The following CWC25 variants were observed in gnomAD, a reference collection of about 807,000 sequenced individuals.
CWC25 encodes pre-mRNA-splicing factor CWC25 homolog.
A neutral mutation model predicts 54.6 loss-of-function variants in CWC25; 31 were observed. That is an observed-to-expected ratio of 0.57 (90% CI 0.43 to 0.77). The LOEUF is 0.77. Among genes scored for constraint, CWC25 ranks in the 30% least tolerant of loss-of-function variants. The pLI is 0.00. For synonymous variants in CWC25, 151 were observed against 187.0 expected (o/e 0.81, Z 1.57); for missense variants, 453 against 529.3 (o/e 0.86, Z 1.41).
In CWC25 at chr17:38,811,298, C is replaced by G. The variant is rs583539; in HGVS notation, c.499-703G>C. Among the ~76,000 whole-genome samples, 883 of 151,552 alleles carry G rather than the reference C, an allele frequency of 5.8e-3. 5 individuals carry two copies. Among genetic ancestry groups the G allele is most frequent in the Non-Finnish European group, 9.8e-3 (666 of 67,918 alleles). On this transcript the variant is annotated intron_variant, in intron 4 of 9. Coordinates refer to ENST00000614790, the MANE Select transcript of CWC25 (RefSeq NM_017748.5). ...CCTGTAATCCCAGCACTTTGGGAGG[C>G]CAAGGCGGGTGGATCACAAGGTCAG... is the stretch of plus-strand genomic sequence containing the variant.
At chr17:38,822,760 C>T (rs899901740) in intron 1 of CWC25, among the ~76,000 whole-genome samples, 2 of 151,312 alleles carry the variant, frequency 1.3e-5, no homozygotes, top group Non-Finnish European at 2.9e-5. Flanking sequence ...GGTGCAGGGA[C>T]GCAAGAAGAA....
chr17:38,820,282 C>T lies in CWC25; in HGVS notation c.191+619G>A, dbSNP rs367992891. Among the ~76,000 whole-genome samples, 154 of 152,292 alleles carry T rather than the reference C, an allele frequency of 1.0e-3. 1 individual carries two copies. Among genetic ancestry groups the T allele is most frequent in the African/African-American group, 3.5e-3 (144 of 41,558 alleles). On this transcript the variant is annotated intron_variant, in intron 2 of 9. Transcript: ENST00000614790. The stretch of plus-strand genomic sequence containing the variant: ...TTTATTCTGACTTAAGAATACACTG[C>T]ATATTGTATGCTTTTTATTTTCTCA...
Position 38,820,998 on chromosome 17 carries a change from C to A in CWC25, c.94G>T (p.Ala32Ser), listed in dbSNP as rs1911900671. Residue 32 changes from alanine (A) to serine (S), a missense_variant, in exon 2 of 10, where the codon GCT becomes TCT. By Grantham distance (99) the Ala-to-Ser change is moderately conservative (BLOSUM62 1). Coordinates refer to ENST00000614790, the MANE Select transcript of CWC25 (RefSeq NM_017748.5). ...AGCTCCTCAATCTTCTTCCGCTCAG[C>A]CTCATGCTTCTGCTCGGCCTTCCAC... ...KVWKAEQKHE[A>S]ERKKIEELQR... 1 of 1,613,986 alleles carries A rather than the reference C, an allele frequency of 6.2e-7. No individual in the cohort carries two copies. The highest frequency in any genetic ancestry group is 8.5e-7 in the Non-Finnish European group (1 of 1,179,896).
intron 6 of CWC25, 83 bp from the exon 7 acceptor site, chr17:38,807,059 C>A (rs979893463): frequency 9.2e-7 from 1 of 1,086,714 alleles, no homozygotes; most frequent in Non-Finnish European, 1.3e-6. Context: ...CAGTGGCTCA[C>A]GCCTGTAATC....
chr17:38,813,454 C>T (rs1050198756), intron 3 of CWC25, among the ~76,000 whole-genome samples: 4 of 147,878 alleles, frequency 2.7e-5, no homozygotes, highest in African/African-American at 5.0e-5. Flanking sequence ...GTCTGGGTGA[C>T]GGAGTGAGAC....
Position 38,810,492 on chromosome 17 carries a change from C to A in CWC25, c.602G>T (p.Ser201Ile). The A allele has an allele frequency of 6.2e-7, 1 of 1,602,978 alleles. No individual in the cohort carries two copies. Among genetic ancestry groups the A allele is most frequent in the Non-Finnish European group, 8.5e-7 (1 of 1,174,730 alleles). ...HRSSSSDRSS[S>I]EDEHSAGRSQ... ...CCTCCCTGCACTGTGCTCATCCTCGCTGCTGGAACGATCACTACTCGAGCT... is the reference window on the plus strand; with the variant it reads ...CCTCCCTGCACTGTGCTCATCCTCGATGCTGGAACGATCACTACTCGAGCT... Residue 201 changes from serine to isoleucine, a missense_variant, in exon 5 of 10, where the codon AGC (serine) becomes ATC (isoleucine). Transcript: ENST00000614790.
Position 38,810,920 on chromosome 17 carries a change from C to CAAAA in CWC25, c.499-329_499-326dup, listed in dbSNP as rs71352314. The stretch of plus-strand genomic sequence containing the variant: ...TGGGTGACAGAGTGAAACTGTGTCT[C>CAAAA]AAAAAAAAAAAAAAAAAAAAAGATT... On this transcript the variant is annotated intron_variant, in intron 4 of 9. Coordinates refer to ENST00000614790, the MANE Select transcript of CWC25 (RefSeq NM_017748.5). 1.3e-3 allele frequency among the ~76,000 whole-genome samples: 89 copies of CAAAA among 70,868 alleles called. 3 individuals are homozygous for CAAAA. The highest frequency in any genetic ancestry group is 1.8e-3 in the South Asian group (3 of 1,690). 46.5% of individuals were successfully genotyped at this position (70,868 alleles called of 152,430 possible).
Position 38,825,188 on chromosome 17 carries a change from G to A in CWC25, c.-5C>T. ...CACCAGGTCTCCGCCCCCCATGACG[G>A]TGGAGACGATTCCTCACTACGCGGA... On this transcript the variant is annotated 5_prime_UTR_variant, in exon 1 of 10. Transcript: ENST00000614790. 1.3e-6 allele frequency: 2 copies of A among 1,590,660 alleles called. No individual in the cohort carries two copies. Among genetic ancestry groups the A allele is most frequent in the Non-Finnish European group, 8.6e-7 (1 of 1,169,396 alleles).
At chr17:38,810,618 G>T in intron 4 of CWC25, 23 bp from the exon 5 acceptor site, 1 of 1,198,026 alleles carries the variant, frequency 8.3e-7, no homozygotes, top group Non-Finnish European at 1.2e-6. Context: ...GAGAACACAA[G>T]CACACAAGAT....
intron 6 of CWC25, 105 bp from the exon 7 acceptor site, chr17:38,807,081 G>C: frequency 1.2e-6 from 1 of 814,244 alleles, no homozygotes. Flanking sequence ...CAGCACTTTG[G>C]GAGGCCGAGG....
Position 38,806,306 on chromosome 17 carries a change from C to T in CWC25, c.992G>A (p.Gly331Glu), listed in dbSNP as rs868048510. The T allele has an allele frequency of 6.2e-7, 1 of 1,611,274 alleles. No individual in the cohort carries two copies. Among genetic ancestry groups the T allele is most frequent in the Non-Finnish European group, 8.5e-7 (1 of 1,178,692 alleles). ...KEVYQRRHAP[G>E]YTRKLSAEEL... ...TGGGCTCCTGACTCACCTGGTGTAT[C>T]CGGGAGCATGTCGCCTTTGGTAGAC... Residue 331 changes from glycine (G) to glutamate (E), a missense_variant, in exon 8 of 10, where the codon GGA (glycine) becomes GAA (glutamate). Gly to Glu is a moderately conservative substitution (Grantham distance 98). Transcript: ENST00000614790.
intron 1 of CWC25, among the ~76,000 whole-genome samples, chr17:38,822,595 T>G (rs1911965956): frequency 1.3e-5 from 2 of 152,126 alleles, no homozygotes; most frequent in South Asian, 4.1e-4. Flanking sequence ...GTAAGTAATA[T>G]CTAAAGACAA....
chr17:38,823,146 A>G (rs1478508401), intron 1 of CWC25, among the ~76,000 whole-genome samples: 1 of 143,532 alleles, frequency 7.0e-6, no homozygotes, highest in African/African-American at 2.6e-5. Flanking sequence ...CCTGACTCCA[A>G]CTTTTTTTTT....
chr17:38,813,638 G>C (rs943854387), intron 3 of CWC25, among the ~76,000 whole-genome samples: 9 of 151,364 alleles, frequency 5.9e-5, no homozygotes, highest in African/African-American at 2.2e-4. Flanking sequence ...TGACCACCTG[G>C]GCTCAAGTGA....
rs560612281 is a variant in CWC25 at position 38,813,340 on chromosome 17, G to A, written c.429-476C>T. 2.0e-5 allele frequency among the ~76,000 whole-genome samples: 3 copies of A among 151,380 alleles called. No individual in the cohort carries two copies. In the East Asian group the frequency reaches 5.9e-4, roughly 30 times the overall value. On this transcript the variant is annotated intron_variant, in intron 3 of 9. Coordinates refer to ENST00000614790, the MANE Select transcript of CWC25 (RefSeq NM_017748.5). The stretch of plus-strand genomic sequence containing the variant: ...AAAAAATTAGCCGGGCATGGTAGCA[G>A]CACGCACCTGCAGTCCTAGCTACTC...
At chr17:38,822,217 C>T (rs1911953521) in intron 1 of CWC25, among the ~76,000 whole-genome samples, 1 of 152,070 alleles carries the variant, frequency 6.6e-6, no homozygotes. Context: ...GCATGCGCCA[C>T]CACACTCGGC....
Position 38,802,755 on chromosome 17 carries a change from C to T in CWC25, c.1108G>A (p.Glu370Lys). ...TTCTCTAGCCTCTGCTCCCGTTCCT[C>T]ATCCTTAGCATGCCTCTTGAGGATG... ...LNILKRHAKD[E>K]EREQRLEKLD... is the part of the protein sequence containing the mutation. The change falls in exon 9 of 10, where the codon GAG (glutamate) becomes AAG (lysine). Residue 370 changes from glutamate (E) to lysine (K), a missense_variant. Transcript: ENST00000614790. The T allele has an allele frequency of 6.2e-7, 1 of 1,614,054 alleles. No individual in the cohort carries two copies. The highest frequency in any genetic ancestry group is 1.3e-5 in the African/African-American group (1 of 75,046).
chr17:38,822,246 A>G (rs1045524610), intron 1 of CWC25, among the ~76,000 whole-genome samples: 1 of 152,000 alleles, frequency 6.6e-6, no homozygotes, highest in Non-Finnish European at 1.5e-5. Context: ...TATTTTTAGT[A>G]GAGATGGGGT....
chr17:38,813,918 G>A (rs1490301234), intron 3 of CWC25, among the ~76,000 whole-genome samples: 8 of 152,138 alleles, frequency 5.3e-5, no homozygotes, highest in African/African-American at 1.7e-4. Flanking sequence ...CTAGAGTGCA[G>A]TGGCGCGATC....
Sources: allele counts gnomAD v4.1 joint callset (sites outside exome capture counted in the v4.1 genomes callset), GRCh38; gene constraint gnomAD v4.1.1; transcripts MANE v1.5; gene names NCBI Gene and HGNC (gene_info 2026-07-23, HGNC 2026-07-21).